Variants in RASGRF2 observed in about 807,000 individuals in gnomAD.
RASGRF2 encodes ras-specific guanine nucleotide-releasing factor 2.
A neutral mutation model predicts 151.0 loss-of-function variants in RASGRF2; 76 were observed. The ratio of observed to expected loss-of-function variants is 0.50; its 90% confidence interval spans 0.42 to 0.61. The LOEUF (loss-of-function observed/expected upper bound fraction) is 0.61, where lower values mean the gene tolerates loss of function less well. Among genes scored for constraint, RASGRF2 ranks in the 20% least tolerant of loss-of-function variants. RASGRF2 has a pLI of 0.00. For synonymous variants in RASGRF2, 504 were observed against 566.5 expected, an observed-to-expected ratio of 0.89 and a Z score of 1.57; for missense variants, 1,148 against 1,564.6, an observed-to-expected ratio of 0.73 and a Z score of 4.49.
At position 81,215,878 on chromosome 5, in the gene RASGRF2, A is replaced by G; in HGVS notation, c.3357A>G (p.Thr1119=). 1 of 1,535,570 alleles carries G rather than the reference A, an allele frequency of 6.5e-7. No individual in the cohort carries two copies. The highest frequency in any genetic ancestry group is 8.7e-7 in the Non-Finnish European group (1 of 1,152,016). ...KKTWAKVSKQ[T]KALMDKLQKT... ...TAAGTTTTTTCTTTTCTTTTTAGACAAAAGCTCTAATGGACAAACTTCAAA... is the reference window on the plus strand; with the variant it reads ...TAAGTTTTTTCTTTTCTTTTTAGACGAAAGCTCTAATGGACAAACTTCAAA... The change falls in exon 24 of 27, where the codon ACA becomes ACG. Residue 1119 remains threonine (T), a splice_region_variant and synonymous_variant. Transcript: ENST00000265080.
intron 17 of RASGRF2, among the ~76,000 whole-genome samples, chr5:81,147,959 G>C (rs1181567219): frequency 6.6e-6 from 1 of 152,308 alleles, no homozygotes; most frequent in East Asian, 1.9e-4. Flanking sequence ...TTAGAGGCAG[G>C]CACTAAGTGC....
intron 1 of RASGRF2, among the ~76,000 whole-genome samples, chr5:81,042,178 T>C (rs953088396): frequency 1.3e-5 from 2 of 152,176 alleles, no homozygotes; most frequent in African/African-American, 4.8e-5. Flanking sequence ...ATGCCAGTTT[T>C]TTCCCTACTT....
chr5:81,018,519 A>T (rs1749715153), intron 1 of RASGRF2, among the ~76,000 whole-genome samples: 1 of 152,138 alleles, frequency 6.6e-6, no homozygotes, highest in East Asian at 1.9e-4. Flanking sequence ...AGTGTTAAAG[A>T]CAGCTCACTT....
chr5:81,140,411 A>AACACACAC (rs138439687), intron 17 of RASGRF2, among the ~76,000 whole-genome samples: 4 of 148,432 alleles, frequency 2.7e-5, no homozygotes, highest in African/African-American at 4.9e-5. Context: ...CCTATTTTTA[A>AACACACAC]ACACACACAC....
At chr5:81,033,726 A>G (rs1402855747) in intron 1 of RASGRF2, among the ~76,000 whole-genome samples, 5 of 152,256 alleles carry the variant, frequency 3.3e-5, no homozygotes, top group African/African-American at 1.2e-4. Context: ...ACCATTCAGG[A>G]CATAGGCATG....
At chr5:81,030,271 C>G (rs1417828821) in intron 1 of RASGRF2, among the ~76,000 whole-genome samples, 2 of 152,066 alleles carry the variant, frequency 1.3e-5, no homozygotes, top group Non-Finnish European at 2.9e-5. Context: ...CAAGGCAGGC[C>G]AACATTCAAA....
chr5:81,035,960 G>T (rs969813208), intron 1 of RASGRF2, among the ~76,000 whole-genome samples: 5 of 152,044 alleles, frequency 3.3e-5, no homozygotes, highest in Non-Finnish European at 7.4e-5. Context: ...ATATGGAGAA[G>T]AAATTAATAA....
chr5:81,219,892 C>T, intron 26 of RASGRF2, 114 bp downstream of exon 26: 1 of 642,704 alleles, frequency 1.6e-6, no homozygotes, highest in East Asian at 3.3e-5. Context: ...TAGAAAAGAC[C>T]AGTAAAATAG....
chr5:81,059,022 C>T (rs932130699), intron 2 of RASGRF2, among the ~76,000 whole-genome samples: 3 of 152,096 alleles, frequency 2.0e-5, no homozygotes, highest in African/African-American at 4.8e-5. Context: ...CAACTCTTCC[C>T]CCTTCTCCTC....
intron 18 of RASGRF2, 44 bp from the exon 19 acceptor site, chr5:81,201,286 C>A (rs755975950): frequency 2.0e-5 from 31 of 1,587,618 alleles, no homozygotes; most frequent in Non-Finnish European, 2.7e-5. Context: ...ATAGAGCTAA[C>A]CCTTTCAAAG....
intron 17 of RASGRF2, among the ~76,000 whole-genome samples, chr5:81,169,400 C>G (rs2112655262): frequency 1.3e-5 from 2 of 152,346 alleles, no homozygotes; most frequent in Middle Eastern, 3.4e-3. Context: ...CAGGGCCATA[C>G]TTTCTGGAGG....
Position 81,113,789 on chromosome 5 carries a change from AC to A in RASGRF2, c.2340del (p.His780GlnfsTer23). ...AGTCCCGCTGCGTCTCCACCACCACACACTGGTCAGATACCACTGGATCTCA... is the reference window on the plus strand; with the variant it reads ...AGTCCCGCTGCGTCTCCACCACCACAACTGGTCAGATACCACTGGATCTCA... Reference protein sequence around the residue: ...TQSPAASPPPHTGQIPLDLSR... With the variant: ...TQSPAASPPPXTGQIPLDLSR... On this transcript the variant is annotated frameshift_variant, in exon 15 of 27. Transcript: ENST00000265080. LOFTEE classifies it high-confidence loss of function. 1 of 1,614,050 alleles carries A rather than the reference AC, an allele frequency of 6.2e-7. No individual in the cohort carries two copies. Among genetic ancestry groups the A allele is most frequent in the Non-Finnish European group, 8.5e-7 (1 of 1,179,996 alleles).
At chr5:81,203,467 T>C (rs968536373) in intron 19 of RASGRF2, among the ~76,000 whole-genome samples, 1 of 152,224 alleles carries the variant, frequency 6.6e-6, no homozygotes, top group Non-Finnish European at 1.5e-5. Context: ...TTAAGATGAA[T>C]CCTGTTTGCC....
intron 1 of RASGRF2, among the ~76,000 whole-genome samples, chr5:80,975,728 C>A (rs1426202847): frequency 6.6e-6 from 1 of 152,072 alleles, no homozygotes; most frequent in East Asian, 1.9e-4. Flanking sequence ...AGCTGTGAGT[C>A]CCATTTATTC....
intron 1 of RASGRF2, among the ~76,000 whole-genome samples, chr5:80,992,340 A>T (rs758051256): frequency 8.6e-5 from 13 of 151,820 alleles, no homozygotes; most frequent in Non-Finnish European, 1.6e-4. Flanking sequence ...CCCCAATCCC[A>T]CTCAGGGGCA....
chr5:81,123,958 A>T (rs1753384733), intron 16 of RASGRF2, among the ~76,000 whole-genome samples, 191 bp downstream of exon 16: 1 of 152,210 alleles, frequency 6.6e-6, no homozygotes, highest in African/African-American at 2.4e-5. Flanking sequence ...ATATCTGTGG[A>T]TTCAACCAAT....
chr5:81,042,076 T>C (rs1376762585), intron 1 of RASGRF2, among the ~76,000 whole-genome samples: 1 of 152,236 alleles, frequency 6.6e-6, no homozygotes, highest in East Asian at 1.9e-4. Context: ...ATTTATTTAT[T>C]CACTCACCGA....
intron 26 of RASGRF2, among the ~76,000 whole-genome samples, chr5:81,220,178 G>A (rs1004764209): frequency 1.3e-5 from 2 of 151,996 alleles, no homozygotes; most frequent in Admixed American, 6.6e-5. Flanking sequence ...CTGGCTTCCC[G>A]TTGGTCTTAG....
intron 12 of RASGRF2, chr5:81,095,962 G>T (rs1489316204): frequency 6.6e-6 from 1 of 152,140 alleles, no homozygotes; most frequent in Non-Finnish European, 1.5e-5. Context: ...AAGGTAAGCA[G>T]AGAGAAATTA....
Sources: gnomAD v4.1 joint callset for allele counts (sites outside exome capture counted in the v4.1 genomes callset) on GRCh38, gnomAD v4.1.1 for gene constraint, MANE v1.5 for transcripts, NCBI Gene and HGNC (gene_info 2026-07-23, HGNC 2026-07-21) for gene names.